Variants in RBFOX1 observed in about 807,000 individuals in gnomAD.
RBFOX1 encodes RNA binding protein fox-1 homolog 1.
A neutral mutation model predicts 57.7 loss-of-function variants in RBFOX1; 8 were observed. That is an observed-to-expected ratio of 0.14 (90% confidence interval 0.08 to 0.25). The LOEUF is 0.25. RBFOX1 is among the 10% of genes least tolerant of loss of function. RBFOX1 has a pLI of 1.00. For missense variants in RBFOX1, 611 were observed against 548.5 expected (o/e 1.11, Z -1.14); for synonymous variants, 326 against 222.4 (o/e 1.47, Z -4.15).
chr16:7,613,080 C>T (rs1390252939), intron 10 of RBFOX1, among the ~76,000 whole-genome samples: 1 of 152,088 alleles, frequency 6.6e-6, no homozygotes, highest in African/African-American at 2.4e-5. Context: ...ATAGTTAGGT[C>T]CCAGAGATGA....
chr16:6,220,328 C>T (rs2152877235), intron 1 of RBFOX1, among the ~76,000 whole-genome samples: 1 of 152,182 alleles, frequency 6.6e-6, no homozygotes, highest in South Asian at 2.1e-4. Context: ...ATTTTTGTCC[C>T]ATAGATACTA....
At chr16:6,894,283 A>G (rs146960083) in intron 3 of RBFOX1, among the ~76,000 whole-genome samples, 10 of 152,168 alleles carry the variant, frequency 6.6e-5, no homozygotes, top group Non-Finnish European at 1.3e-4. Flanking sequence ...ATATGTCTCT[A>G]TTTCCAAGGG....
intron 3 of RBFOX1, among the ~76,000 whole-genome samples, chr16:6,973,497 A>G (rs2153573552): frequency 6.6e-6 from 1 of 152,320 alleles, no homozygotes; most frequent in Non-Finnish European, 1.5e-5. Flanking sequence ...TCTTTTGCTG[A>G]AATGCTCCTA....
At chr16:6,646,916 T>C (rs2098538946) in intron 2 of RBFOX1, among the ~76,000 whole-genome samples, 1 of 152,162 alleles carries the variant, frequency 6.6e-6, no homozygotes, top group African/African-American at 2.4e-5. Flanking sequence ...ATACCGCGTG[T>C]ACACATGATC....
chr16:6,074,061 G>T (rs889150481), intron 1 of RBFOX1, among the ~76,000 whole-genome samples: 17 of 152,056 alleles, frequency 1.1e-4, no homozygotes, highest in Non-Finnish European at 2.9e-5. Context: ...CCATTCTCCT[G>T]CCTCAGCCTC....
At chr16:5,682,332 C>G (rs2050366862) in intron 3 of RBFOX1, among the ~76,000 whole-genome samples, 1 of 152,122 alleles carries the variant, frequency 6.6e-6, no homozygotes, top group Admixed American at 6.5e-5. Context: ...TTAAAAATTG[C>G]ACAGCTGTGA....
chr16:5,801,573 G>A (rs1392387884), intron 3 of RBFOX1, among the ~76,000 whole-genome samples: 1 of 152,018 alleles, frequency 6.6e-6, no homozygotes, highest in Non-Finnish European at 1.5e-5. Context: ...GGATGAGTGG[G>A]GTTTGGTTAC....
rs564546737 is a variant in RBFOX1, at chr16:6,919,934, C to T, written c.-15-132123C>T. Reference sequence around the variant, plus strand: ...TGTGTCATCTTTTATCCTTTACCCCCTCCCACTTTTCCCCTCTGAGTCCCC... The same window carrying T: ...TGTGTCATCTTTTATCCTTTACCCCTTCCCACTTTTCCCCTCTGAGTCCCC... On this transcript the variant is annotated intron_variant, in intron 3 of 15. Transcript: ENST00000550418. Among the ~76,000 whole-genome samples the T allele has an allele frequency of 7.2e-5, 11 of 152,172 alleles. No individual in the cohort carries two copies. In the East Asian group the frequency reaches 1.2e-3, roughly 16 times the overall value.
rs114800294 is a variant in RBFOX1, at chr16:5,858,333, C to T, written c.319-8970C>T. On this transcript the variant is annotated intron_variant, in intron 3 of 19. Coordinates refer to the RBFOX1 transcript ENST00000641259. ...CTTCAGATAATGTTTGCAATCTCCC[C>T]GTGTTTTCTACCATGTGTCAGGGTG... 7.2e-3 allele frequency among the ~76,000 whole-genome samples: 1,093 copies of T among 152,300 alleles called. 15 individuals are homozygous for T. The highest frequency in any genetic ancestry group is 0.025 in the African/African-American group (1,052 of 41,562).
intron 2 of RBFOX1, among the ~76,000 whole-genome samples, chr16:6,436,681 AATGGACTGTAAGT>A (rs1490354501): frequency 6.6e-6 from 1 of 152,098 alleles, no homozygotes; most frequent in Non-Finnish European, 1.5e-5. Flanking sequence ...TCAATACCCC[AATGGACTGTAAGT>A]TACATAAGGA....
intron 2 of RBFOX1, among the ~76,000 whole-genome samples, chr16:5,536,280 G>A (rs1312343078): frequency 7.1e-6 from 1 of 141,832 alleles, no homozygotes; most frequent in African/African-American, 2.7e-5. Flanking sequence ...TGTCGCCTAG[G>A]CTGGAGTGCA....
intron 4 of RBFOX1, among the ~76,000 whole-genome samples, chr16:7,318,699 C>T (rs2096489715): frequency 6.6e-6 from 1 of 152,142 alleles, no homozygotes. Context: ...TACCTAGTGG[C>T]TTCTGGACTT....
intron 4 of RBFOX1, among the ~76,000 whole-genome samples, chr16:7,470,352 G>A (rs1407474039): frequency 6.6e-6 from 1 of 152,192 alleles, no homozygotes; most frequent in Non-Finnish European, 1.5e-5. Flanking sequence ...CATGTGACAT[G>A]CTCAGCAAAT....
chr16:6,696,260 A>G (rs1459344340), intron 3 of RBFOX1, among the ~76,000 whole-genome samples: 1 of 152,022 alleles, frequency 6.6e-6, no homozygotes. Context: ...CAGGCACATA[A>G]TTGTCATTTA....
intron 4 of RBFOX1, among the ~76,000 whole-genome samples, chr16:7,137,115 A>G (rs1487751669): frequency 6.6e-6 from 1 of 152,226 alleles, no homozygotes; most frequent in Non-Finnish European, 1.5e-5. Flanking sequence ...TAGATAGTCT[A>G]AAATAAATAC....
chr16:7,658,471 G>C (rs1009166069), intron 12 of RBFOX1, among the ~76,000 whole-genome samples: 24 of 152,120 alleles, frequency 1.6e-4, no homozygotes, highest in African/African-American at 5.6e-4. Flanking sequence ...ACAATGCCCA[G>C]TCTAGCTTCC....
At chr16:6,840,988 C>G (rs538974803) in intron 3 of RBFOX1, among the ~76,000 whole-genome samples, 1 of 152,146 alleles carries the variant, frequency 6.6e-6, no homozygotes, top group South Asian at 2.1e-4. Flanking sequence ...GGACACTCAC[C>G]AGACACTGAA....
intron 5 of RBFOX1, among the ~76,000 whole-genome samples, chr16:7,548,980 G>A (rs571736547): frequency 6.6e-6 from 1 of 152,320 alleles, no homozygotes; most frequent in Admixed American, 6.5e-5. Flanking sequence ...ACATTCCAGG[G>A]ATCCGAAGAA....
chr16:6,930,524 C>T (rs13335328), intron 3 of RBFOX1, among the ~76,000 whole-genome samples: 12,690 of 151,986 alleles, frequency 0.083, 1,828 homozygotes, highest in African/African-American at 0.29. Flanking sequence ...ATTCTCCTGC[C>T]TCAGCCTCCC....
Sources: allele counts gnomAD v4.1 joint callset (sites outside exome capture counted in the v4.1 genomes callset), GRCh38; gene constraint gnomAD v4.1.1; transcripts MANE v1.5; gene names NCBI Gene and HGNC (gene_info 2026-07-23, HGNC 2026-07-21).